TRPM3: variants seen among roughly 807,000 people sequenced by gnomAD.
The protein encoded by TRPM3 is transient receptor potential cation channel subfamily M member 3, also known as long transient receptor potential channel 3.
Under a neutral mutation model 181.2 loss-of-function variants are expected in TRPM3, and 77 were observed. The ratio of observed to expected loss-of-function variants is 0.42; its 90% CI spans 0.35 to 0.51. TRPM3 has a LOEUF of 0.51. Among genes scored for constraint, TRPM3 ranks in the 20% least tolerant of loss-of-function variants. The pLI is 0.01. For missense variants in TRPM3, 1,759 were observed against 2,196.7 expected, an observed-to-expected ratio of 0.80 and a Z score of 3.98; for synonymous variants, 745 against 796.4, an observed-to-expected ratio of 0.94 and a Z score of 1.09.
chr9:71,160,292 T>A (rs1443887533), intron 1 of TRPM3, among the ~76,000 whole-genome samples: 1 of 152,166 alleles, frequency 6.6e-6, no homozygotes, highest in Non-Finnish European at 1.5e-5. Context: ...TACAAGGGAC[T>A]CCCAATCCCT....
intron 1 of TRPM3, among the ~76,000 whole-genome samples, chr9:71,139,969 G>A (rs568181032): frequency 1.5e-4 from 23 of 152,192 alleles, no homozygotes; most frequent in Admixed American, 1.5e-3. Context: ...TGCAGCCCTC[G>A]CTATGCTATT....
chr9:71,018,225 C>A (rs1178744661), intron 1 of TRPM3, among the ~76,000 whole-genome samples: 5 of 147,822 alleles, frequency 3.4e-5, no homozygotes, highest in Non-Finnish European at 1.5e-5. Context: ...ATTAGAAAAG[C>A]AAAAAAAATG....
At chr9:71,425,350 T>C (rs978998892) in intron 1 of TRPM3, among the ~76,000 whole-genome samples, 1 of 152,162 alleles carries the variant, frequency 6.6e-6, no homozygotes, top group African/African-American at 2.4e-5. Flanking sequence ...TGTTCAAAAC[T>C]TGGCCTTTGG....
chr9:70,855,792 A>C (rs1417187840), intron 3 of TRPM3, among the ~76,000 whole-genome samples: 4 of 152,172 alleles, frequency 2.6e-5, no homozygotes, highest in Non-Finnish European at 4.4e-5. Flanking sequence ...TACTAAGGCA[A>C]TTTTGCTAAT....
chr9:70,852,985 A>G (rs1364613376), intron 3 of TRPM3, among the ~76,000 whole-genome samples: 2 of 152,096 alleles, frequency 1.3e-5, no homozygotes, highest in African/African-American at 2.4e-5. Flanking sequence ...TGTTTTTCCC[A>G]TGGGTCAATT....
At chr9:71,299,954 G>A (rs1013123762) in intron 1 of TRPM3, among the ~76,000 whole-genome samples, 2 of 152,068 alleles carry the variant, frequency 1.3e-5, no homozygotes, top group African/African-American at 4.8e-5. Context: ...TTTAATAGTG[G>A]AGGTCTTTCT....
intron 1 of TRPM3, among the ~76,000 whole-genome samples, chr9:71,117,151 G>T (rs1456292865): frequency 6.6e-6 from 1 of 152,140 alleles, no homozygotes; most frequent in Non-Finnish European, 1.5e-5. Flanking sequence ...GCCTTAGCCA[G>T]GTTCTCATCA....
At chr9:71,306,956 T>G (rs1000869998) in intron 1 of TRPM3, among the ~76,000 whole-genome samples, 2 of 152,256 alleles carry the variant, frequency 1.3e-5, no homozygotes, top group African/African-American at 4.8e-5. Context: ...TTACTATCTG[T>G]AAAATATCTT....
rs557489882 is a variant in TRPM3 at position 70,984,977 on chromosome 9, G to T, written c.178-120466C>A. Among the ~76,000 whole-genome samples, 4 of 152,230 alleles carry T rather than the reference G, an allele frequency of 2.6e-5. No individual in the cohort carries two copies. In the East Asian group the frequency reaches 7.7e-4, roughly 29 times the overall value. On this transcript the variant is annotated intron_variant, in intron 1 of 25. Coordinates refer to ENST00000677713, the MANE Select transcript of TRPM3 (RefSeq NM_001366145.2). ...CTAGGTTCTAGCTTTTTGCTGTTGG[G>T]TTATCTCAAATTAAATGCATTTTAA...
At chr9:70,564,925 C>T (rs111996386) in intron 22 of TRPM3, among the ~76,000 whole-genome samples, 26 of 152,340 alleles carry the variant, frequency 1.7e-4, no homozygotes, top group Admixed American at 6.5e-4. Flanking sequence ...TTACAGCTCA[C>T]GGTTCAGGCT....
rs566139399 is a variant in TRPM3, at chr9:71,332,376, G to GGGGTGTGTGT, written c.183+114276_183+114277insACACACACCC. Among the ~76,000 whole-genome samples, 560 of 142,304 alleles carry GGGGTGTGTGT rather than the reference G, an allele frequency of 3.9e-3. 5 individuals are homozygous for GGGGTGTGTGT. Among genetic ancestry groups the GGGGTGTGTGT allele is most frequent in the African/African-American group, 0.014 (537 of 39,058 alleles). 93.4% of individuals were successfully genotyped at this position (142,304 alleles called of 152,430 possible). A position where few individuals can be genotyped will look rare whatever the true frequency, so the allele number is the denominator to read the frequency against. ...TCTAGGTCAGTGGTTTTCAATGTTG[G>GGGGTGTGTGT]GTGTGTGTGTGTGTGTGTGTGTGTG... On this transcript the variant is annotated intron_variant, in intron 1 of 24. Coordinates refer to the TRPM3 transcript ENST00000357533.
chr9:70,748,589 C>T (rs1290793891), intron 8 of TRPM3, among the ~76,000 whole-genome samples: 2 of 152,048 alleles, frequency 1.3e-5, no homozygotes, highest in East Asian at 3.9e-4. Flanking sequence ...GGTCTTTGCC[C>T]TGATGAATGG....
At chr9:71,255,563 G>C (rs777070064) in intron 1 of TRPM3, among the ~76,000 whole-genome samples, 22 of 152,040 alleles carry the variant, frequency 1.4e-4, no homozygotes, top group Non-Finnish European at 2.9e-5. Flanking sequence ...ACAAATGTAA[G>C]GTAAAAAAGA....
At chr9:70,649,416 T>G (rs1206977913) in intron 9 of TRPM3, among the ~76,000 whole-genome samples, 2 of 152,176 alleles carry the variant, frequency 1.3e-5, no homozygotes, top group Non-Finnish European at 2.9e-5. Context: ...CTCGAACTCC[T>G]GACCTCAAGC....
rs745426231 is a variant in TRPM3 at position 70,549,529 on chromosome 9, C to T, written c.3707+13G>A. On this transcript the variant is annotated intron_variant, in intron 25 of 25. Transcript: ENST00000677713. ...CAACACATCTGCAGGAGGCAGGTGT[C>T]CACAGAACACACCTTTCTGAAGTCA... 36 of 1,608,262 alleles carry T rather than the reference C, an allele frequency of 2.2e-5. No individual in the cohort carries two copies. The highest frequency in any genetic ancestry group is 3.1e-5 in the Non-Finnish European group (36 of 1,178,048).
chr9:70,536,151 C>T lies in TRPM3; in HGVS notation c.4962G>A (p.Glu1654=), dbSNP rs751860464. The T allele has an allele frequency of 1.6e-5, 26 of 1,614,084 alleles. No homozygotes were observed. The Admixed American group carries it at 3.7e-4, about 23-fold the overall frequency. Residue 1654 remains glutamate (E), a synonymous_variant, in exon 26 of 26, where the codon GAG becomes GAA. Coordinates refer to ENST00000677713, the MANE Select transcript of TRPM3 (RefSeq NM_001366145.2). ...IERANSYSAE[E]PSAPYAHTRK... is the part of the protein sequence containing the mutation. ...TGGTGTGTGCATATGGCGCACTTGG[C>T]TCCTCTGCCGAGTAGCTGTTGGCGC...
chr9:70,859,503 G>T (rs549825415), intron 3 of TRPM3, among the ~76,000 whole-genome samples: 13 of 152,226 alleles, frequency 8.5e-5, no homozygotes, highest in African/African-American at 2.9e-4. Context: ...ATAAAACAAG[G>T]TATCATAGTT....
intron 1 of TRPM3, among the ~76,000 whole-genome samples, chr9:71,105,127 A>G (rs1233122529): frequency 6.6e-6 from 1 of 152,246 alleles, no homozygotes; most frequent in African/African-American, 2.4e-5. Context: ...CATACAACAT[A>G]TGCACAGAAT....
chr9:71,143,687 C>A (rs1053350240), intron 1 of TRPM3, among the ~76,000 whole-genome samples: 12 of 151,986 alleles, frequency 7.9e-5, no homozygotes, highest in Non-Finnish European at 1.6e-4. Flanking sequence ...TGATTTATAT[C>A]CCTTTGGGTA....
Sources: gnomAD v4.1 joint callset for allele counts (sites outside exome capture counted in the v4.1 genomes callset) on GRCh38, gnomAD v4.1.1 for gene constraint, MANE v1.5 for transcripts, NCBI Gene and HGNC (gene_info 2026-07-23, HGNC 2026-07-21) for gene names.